The following TTLL3 variants were observed in gnomAD, a reference collection of about 807,000 sequenced individuals.
The protein encoded by TTLL3 is tubulin monoglycylase TTLL3.
TTLL3 carries 63 observed loss-of-function variants against 75.2 expected under a neutral mutation model. The ratio of observed to expected loss-of-function variants is 0.84; its 90% CI spans 0.68 to 1.03. The LOEUF (loss-of-function observed/expected upper bound fraction) is 1.03, where lower values mean the gene tolerates loss of function less well. Ranked by LOEUF, TTLL3 falls within the 50% of genes least tolerant of loss-of-function variation. TTLL3 has a pLI of 0.00. For synonymous variants in TTLL3, 393 were observed against 418.5 expected (o/e 0.94, Z 0.74); for missense variants, 997 against 1,069.9 (o/e 0.93, Z 0.95).
At chr3:9,818,724 T>C in intron 6 of TTLL3, 98 bp from the exon 7 acceptor site, 3 of 1,594,858 alleles carry the variant, frequency 1.9e-6, no homozygotes, top group Non-Finnish European at 2.6e-6. Flanking sequence ...TAGAGTCAGG[T>C]TCTGGATCCA....
intron 10 of TTLL3, 41 bp downstream of exon 10, chr3:9,827,281 T>A: frequency 6.2e-7 from 1 of 1,603,406 alleles, no homozygotes. Context: ...CCCTGCCTAG[T>A]TGGGGAGCTG....
At chr3:9,819,986 T>C in intron 7 of TTLL3, 1 of 987,564 alleles carries the variant, frequency 1.0e-6, no homozygotes, top group South Asian at 4.7e-5. Flanking sequence ...GTCAGGTCTG[T>C]AGATGTGCAC....
rs1246063519 is a variant in TTLL3 at position 9,810,994 on chromosome 3, G to A, written c.48+285G>A. Among the ~76,000 whole-genome samples, 1 of 152,030 alleles carries A rather than the reference G, an allele frequency of 6.6e-6. No homozygotes were observed. Among genetic ancestry groups the A allele is most frequent in the Non-Finnish European group, 1.5e-5 (1 of 67,992 alleles). Reference sequence around the variant, plus strand: ...GTGCCTTTCGGTCTTGATCTCGGTTGGGCACCCTGTATCTTTCGACACCGC... The same window carrying A: ...GTGCCTTTCGGTCTTGATCTCGGTTAGGCACCCTGTATCTTTCGACACCGC... On this transcript the variant is annotated intron_variant, in intron 2 of 13. Transcript: ENST00000685419. The surrounding 1 kb of genome is among the most constrained non-coding windows in gnomAD (Gnocchi z 4.4).
At position 9,812,998 on chromosome 3, in the gene TTLL3, G is replaced by A. The variant is rs201330463; in HGVS notation, c.104G>A (p.Arg35His). Residue 35 changes from arginine to histidine, a missense_variant, in exon 3 of 14, where the codon CGC becomes CAC. By Grantham distance (29) the Arg-to-His change is conservative. Coordinates refer to ENST00000685419, the MANE Select transcript of TTLL3 (RefSeq NM_001387446.1). ...GCYPVIRCLLRRRGWVEKKMV... is the reference protein window; with the variant it reads ...GCYPVIRCLLHRRGWVEKKMV... ...TACCCGGTGATCCGGTGTCTCTTGC[G>A]CCGGAGGGGCTGGGTGGAGAAGAAG... 8.5e-5 allele frequency: 132 copies of A among 1,558,996 alleles called. No homozygotes were observed. The highest frequency in any genetic ancestry group is 4.4e-4 in the African/African-American group (32 of 72,966).
chr3:9,831,180 G>GT (rs34481871), intron 11 of TTLL3, among the ~76,000 whole-genome samples: 102 of 151,494 alleles, frequency 6.7e-4, no homozygotes, highest in African/African-American at 2.0e-3. Context: ...ACCTTGCACT[G>GT]TTTTTTTTTG....
rs2081963254 is a variant in TTLL3, at chr3:9,835,170, T to C, written c.2129T>C (p.Phe710Ser). The C allele has an allele frequency of 6.2e-7, 1 of 1,614,176 alleles. No homozygotes were observed. The change falls in exon 14 of 14, where the codon TTC (phenylalanine) becomes TCC (serine). Residue 710 changes from phenylalanine to serine, a missense_variant. By Grantham distance (155) the Phe-to-Ser change is radical (BLOSUM62 -2). Transcript: ENST00000685419. ...CCLCPLKSEQ[F>S]LAPVGRSRPK... ...CTCTGCCCTTTGAAGTCGGAACAAT[T>C]CCTAGCACCTGTCGGAAGGTCAAGG...
In TTLL3 at chr3:9,835,087, C is replaced by T; in HGVS notation, c.2053-7C>T. 3 of 1,601,274 alleles carry T rather than the reference C, an allele frequency of 1.9e-6. No homozygotes were observed. Among genetic ancestry groups the T allele is most frequent in the Non-Finnish European group, 2.6e-6 (3 of 1,172,660 alleles). ...ATCTCCCTCTTCTCCCCTCCTTTCA[C>T]ACCGAGGCTCCTGCTCTCCTGTGCC... On this transcript the variant is annotated splice_polypyrimidine_tract_variant and splice_region_variant and intron_variant, in intron 13 of 13. Coordinates refer to ENST00000685419, the MANE Select transcript of TTLL3 (RefSeq NM_001387446.1).
At chr3:9,826,725 CAAA>C (rs36060940) in intron 9 of TTLL3, among the ~76,000 whole-genome samples, 6 of 75,230 alleles carry the variant, frequency 8.0e-5, no homozygotes, top group Admixed American at 1.5e-4. Context: ...AGGGCTGTCT[CAAA>C]AAAAAAAAAA....
In TTLL3 at chr3:9,826,725, CAA is replaced by C. The variant is rs36060940; in HGVS notation, c.1004-250_1004-249del. ...TCCAGCCTAGGTGACAGGGCTGTCT[CAA>C]AAAAAAAAAAAAAAAAAAAAAGTCC... On this transcript the variant is annotated intron_variant, in intron 9 of 13. Transcript: ENST00000685419. Among the ~76,000 whole-genome samples, 607 of 75,228 alleles carry C rather than the reference CAA, an allele frequency of 8.1e-3. 1 individual carries two copies. The highest frequency in any genetic ancestry group is 0.025 in the African/African-American group (491 of 19,336). 49.4% of individuals were successfully genotyped at this position (75,228 alleles called of 152,430 possible).
chr3:9,810,557 TCCTAGGCCGAGAC>T lies in TTLL3; in HGVS notation c.-41-55_-41-43del. ...CGTGGCTATGGGCGGCCAGAAAAGA[TCCTAGGCCGAGAC>T]CCTAGGCCCAGCCTCAGTGTACCCC... is the stretch of plus-strand genomic sequence containing the variant. On this transcript the variant is annotated intron_variant, in intron 1 of 13. Transcript: ENST00000685419. This position sits in a 1 kb window ranked among gnomAD's most constrained non-coding sequence, Gnocchi z 4.4. 6.6e-7 allele frequency: 1 copy of T among 1,515,194 alleles called. No homozygotes were observed. Among genetic ancestry groups the T allele is most frequent in the Non-Finnish European group, 8.9e-7 (1 of 1,129,524 alleles). The allele number at this position is 1,515,194 out of a possible 1,614,324, so 93.9% of individuals were successfully genotyped here. A position where few individuals can be genotyped will look rare whatever the true frequency, so the allele number is the denominator to read the frequency against.
At chr3:9,832,285 G>A (rs934402070) in intron 11 of TTLL3, among the ~76,000 whole-genome samples, 3 of 151,766 alleles carry the variant, frequency 2.0e-5, no homozygotes, top group Non-Finnish European at 2.9e-5. Context: ...ACAGGGTTTG[G>A]TTATGTTGGC....
At chr3:9,823,227 CA>C (rs1156480546) in intron 8 of TTLL3, among the ~76,000 whole-genome samples, 1 of 151,852 alleles carries the variant, frequency 6.6e-6, no homozygotes, top group Non-Finnish European at 1.5e-5. Context: ...ACTAAAAATA[CA>C]AAAAAATTAG....
In TTLL3 at chr3:9,835,657, C is replaced by G; in HGVS notation, c.*168C>G. ...AGTCTGAAAGAGGAGGCATGGCTTA[C>G]CCAAGATCACGTGGCAGTGAGTCGA... is the stretch of plus-strand genomic sequence containing the variant. On this transcript the variant is annotated 3_prime_UTR_variant, in exon 14 of 14. Transcript: ENST00000685419. The G allele has an allele frequency of 1.5e-6, 1 of 666,182 alleles. No homozygotes were observed. The highest frequency in any genetic ancestry group is 2.9e-5 in the East Asian group (1 of 34,930). 41.3% of individuals were successfully genotyped at this position (666,182 alleles called of 1,614,324 possible). A position where few individuals can be genotyped will look rare whatever the true frequency, so the allele number is the denominator to read the frequency against.
At chr3:9,827,277 C>G (rs1559744858) in intron 10 of TTLL3, 37 bp downstream of exon 10, 2 of 1,604,728 alleles carry the variant, frequency 1.2e-6, no homozygotes, top group East Asian at 4.5e-5. Context: ...AGCTCCCTGC[C>G]TAGTTGGGGA....
At chr3:9,829,460 T>C (rs570275593) in intron 11 of TTLL3, 65 bp downstream of exon 11, 2 of 1,522,874 alleles carry the variant, frequency 1.3e-6, no homozygotes, top group African/African-American at 2.8e-5. Context: ...AGCCCTGCAG[T>C]GGAGCATAGG....
chr3:9,821,271 C>T lies in TTLL3; in HGVS notation c.854+530C>T, dbSNP rs73116120. Among the ~76,000 whole-genome samples the T allele has an allele frequency of 2.3e-3, 354 of 152,258 alleles. 1 individual carries two copies. Among genetic ancestry groups the T allele is most frequent in the African/African-American group, 8.1e-3 (336 of 41,550 alleles). The stretch of plus-strand genomic sequence containing the variant: ...GTTCTTAGGTGGGGAAAGGGAGGAT[C>T]AAGGTGAGCCTGGTGCTGCTTTAGG... On this transcript the variant is annotated intron_variant, in intron 8 of 13. Coordinates refer to ENST00000685419, the MANE Select transcript of TTLL3 (RefSeq NM_001387446.1).
At chr3:9,831,069 A>G (rs760369423) in intron 11 of TTLL3, among the ~76,000 whole-genome samples, 51 of 152,132 alleles carry the variant, frequency 3.4e-4, no homozygotes, top group Admixed American at 1.6e-3. Context: ...CCAAAATGCT[A>G]GGATTACTGG....
intron 8 of TTLL3, chr3:9,825,337 CAAAAAA>C: frequency 8.4e-6 from 1 of 119,678 alleles, no homozygotes; most frequent in Non-Finnish European, 1.6e-5. Context: ...GACCCTGTCT[CAAAAAA>C]AAAAAAAAAA....
upstream of TTLL3, chr3:9,809,932 TCCC>T: frequency 2.4e-5 from 4 of 166,908 alleles, no homozygotes; most frequent in Non-Finnish European, 3.7e-5. Context: ...GGCAGGAACT[TCCC>T]GGGAGAGGAG....
Sources: gnomAD v4.1 joint callset for allele counts (sites outside exome capture counted in the v4.1 genomes callset) on GRCh38, gnomAD v4.1.1 for gene constraint, Gnocchi (gnomAD v3.1) non-coding constraint, MANE v1.5 for transcripts, NCBI Gene and HGNC (gene_info 2026-07-23, HGNC 2026-07-21) for gene names.